Variants in GALT observed in about 807,000 individuals in gnomAD.
The protein encoded by GALT is UDP-glucose--hexose-1-phosphate uridylyltransferase.
GALT carries 42 observed loss-of-function variants against 55.4 expected under a neutral mutation model. The ratio of observed to expected loss-of-function variants is 0.76; its 90% CI spans 0.59 to 0.98. GALT has a LOEUF of 0.98. Among genes scored for constraint, GALT ranks in the 50% least tolerant of loss-of-function variants. The probability of loss-of-function intolerance (pLI) is 0.00; values close to 1 mark genes in which losing one functional copy is unlikely to be tolerated. For missense variants in GALT, 407 were observed against 495.7 expected (o/e 0.82, Z 1.70); for synonymous variants, 154 against 181.5 (o/e 0.85, Z 1.22).
chr9:34,649,005 C>A lies in GALT; in HGVS notation c.828C>A (p.Ala276=), dbSNP rs1192715180. The change falls in exon 9 of 11, where the codon GCC becomes GCA. Residue 276 remains alanine (A), a synonymous_variant. Transcript: ENST00000378842. The stretch of plus-strand genomic sequence containing the variant: ...GTCAGGCTCTGATTCCAGATCTAGC[C>A]TCCATCATGAAGAAGCTCTTGACCA... The part of the protein sequence containing the change: ...ELTPAERDDL[A]SIMKKLLTKY... The A allele has an allele frequency of 1.2e-6, 2 of 1,614,104 alleles. No individual in the cohort carries two copies. Among genetic ancestry groups the A allele is most frequent in the East Asian group, 2.2e-5 (1 of 44,894 alleles).
chr9:34,649,255 C>T, intron 9 of GALT, 155 bp from the exon 10 acceptor site: 1 of 1,224,322 alleles, frequency 8.2e-7, no homozygotes, highest in Non-Finnish European at 1.2e-6. Flanking sequence ...GAAACTACAT[C>T]TCCAATGTGC....
rs766896883 is a variant in GALT, at chr9:34,647,921, C to T, written c.467C>T (p.Ser156Leu). 6.2e-6 allele frequency: 10 copies of T among 1,614,108 alleles called. No individual in the cohort carries two copies. The Admixed American group carries it at 1.5e-4, about 24-fold the overall frequency. The change falls in exon 5 of 11, where the codon TCA becomes TTA. Residue 156 changes from serine (S) to leucine (L), a missense_variant. Transcript: ENST00000378842. The surrounding 1 kb of genome is among the most constrained non-coding windows in gnomAD (Gnocchi z 5.6). Reference protein sequence around the residue: ...EIRAVVDAWASVTEELGAQYP... With the variant: ...EIRAVVDAWALVTEELGAQYP... Reference sequence around the variant, plus strand: ...CGGGCTGTTGTTGATGCATGGGCCTCAGTCACAGAGGAGCTGGGTGCCCAG... The same window carrying T: ...CGGGCTGTTGTTGATGCATGGGCCTTAGTCACAGAGGAGCTGGGTGCCCAG...
Position 34,648,032 on chromosome 9 carries a change from A to C in GALT, c.507+71A>C. 6.2e-7 allele frequency: 1 copy of C among 1,614,100 alleles called. No individual in the cohort carries two copies. The highest frequency in any genetic ancestry group is 8.5e-7 in the Non-Finnish European group (1 of 1,180,010). ...TGAAGCTTTGGTTCTGGGGAGTAAC[A>C]TTTCTGTTTCCACAGGGTGTGGTCA... On this transcript the variant is annotated intron_variant, in intron 5 of 10. Coordinates refer to ENST00000378842, the MANE Select transcript of GALT (RefSeq NM_000155.4). The surrounding 1 kb of genome is among the most constrained non-coding windows in gnomAD (Gnocchi z 4.9).
intron 10 of GALT, chr9:34,650,108 C>T (rs1821216763): frequency 4.3e-6 from 2 of 462,118 alleles, no homozygotes; most frequent in South Asian, 2.4e-5. Context: ...AGGAAGCCCT[C>T]GTCTCTACAA....
Position 34,648,000 on chromosome 9 carries a change from G to A in GALT, c.507+39G>A. On this transcript the variant is annotated intron_variant, in intron 5 of 10. Transcript: ENST00000378842. This position sits in a 1 kb window ranked among gnomAD's most constrained non-coding sequence, Gnocchi z 5.6. ...CCCCTTCCCCTGGATGGGCAGGGAG[G>A]GGGTGATGAAGCTTTGGTTCTGGGG... 3 of 1,614,208 alleles carry A rather than the reference G, an allele frequency of 1.9e-6. No individual in the cohort carries two copies. Among genetic ancestry groups the A allele is most frequent in the South Asian group, 2.2e-5 (2 of 91,078 alleles).
In GALT at chr9:34,647,009, C is replaced by G; in HGVS notation, c.83-80C>G. On this transcript the variant is annotated intron_variant, in intron 1 of 10. Transcript: ENST00000378842. The surrounding 1 kb of genome is among the most constrained non-coding windows in gnomAD (Gnocchi z 5.6). ...ACAGGGCCGAGAGGGCGCTCCCGAG[C>G]TTGGGCCTGCTGGTGGGTGAGACCC... The G allele has an allele frequency of 6.2e-7, 1 of 1,610,088 alleles. No individual in the cohort carries two copies. The highest frequency in any genetic ancestry group is 1.1e-5 in the South Asian group (1 of 90,928).
rs1057113544 is a variant in GALT at position 34,648,389 on chromosome 9, A to G, written c.620A>G (p.Gln207Arg). Residue 207 changes from glutamine to arginine, a missense_variant, in exon 7 of 11, where the codon CAG becomes CGG. Transcript: ENST00000378842. This position sits in a 1 kb window ranked among gnomAD's most constrained non-coding sequence, Gnocchi z 4.9. ...DIAQREERSQ[Q>R]AYKSQHGEPL... ...GCCCAGCGTGAGGAGCGATCTCAGC[A>G]GGCCTATAAGAGTCAGCATGGAGAG... is the stretch of plus-strand genomic sequence containing the variant. 1 of 1,614,100 alleles carries G rather than the reference A, an allele frequency of 6.2e-7. No homozygotes were observed. Among genetic ancestry groups the G allele is most frequent in the Non-Finnish European group, 8.5e-7 (1 of 1,180,052 alleles).
rs768680705 is a variant in GALT at position 34,646,702 on chromosome 9, C to T, written c.-3C>T. 2 of 1,613,744 alleles carry T rather than the reference C, an allele frequency of 1.2e-6. No homozygotes were observed. Among genetic ancestry groups the T allele is most frequent in the Non-Finnish European group, 1.7e-6 (2 of 1,179,972 alleles). Reference sequence around the variant, plus strand: ...ATTTTCCAGCGGATCCCCCGGTGGCCTCATGTCGCGCAGTGGAACCGATCC... The same window carrying T: ...ATTTTCCAGCGGATCCCCCGGTGGCTTCATGTCGCGCAGTGGAACCGATCC... On this transcript the variant is annotated 5_prime_UTR_variant, in exon 1 of 11. Coordinates refer to ENST00000378842, the MANE Select transcript of GALT (RefSeq NM_000155.4).
At chr9:34,649,223 AG>A (rs2132345816) in intron 9 of GALT, 142 bp downstream of exon 9, 1 of 1,171,212 alleles carries the variant, frequency 8.5e-7, no homozygotes, top group Non-Finnish European at 1.3e-6. Flanking sequence ...GCTGGGACTG[AG>A]GGTGGAGCAG....
chr9:34,646,949 A>G (rs1587236794), intron 1 of GALT, 140 bp from the exon 2 acceptor site: 3 of 1,605,364 alleles, frequency 1.9e-6, no homozygotes, highest in South Asian at 1.1e-5. Context: ...TGGCGCTGGG[A>G]AAGTCCAATC....
At chr9:34,650,141 G>C (rs1821217767) in intron 10 of GALT, 1 of 544,124 alleles carries the variant, frequency 1.8e-6, no homozygotes, top group Non-Finnish European at 3.3e-6. Flanking sequence ...AAGTTAGCCA[G>C]GTATGGTGGC....
At chr9:34,649,255 C>A in intron 9 of GALT, 155 bp from the exon 10 acceptor site, 1 of 1,224,320 alleles carries the variant, frequency 8.2e-7, no homozygotes. Context: ...GAAACTACAT[C>A]TCCAATGTGC....
chr9:34,647,365 C>A lies in GALT; in HGVS notation c.252+107C>A. Reference sequence around the variant, plus strand: ...AGTGAACCTCCTTCTGGGTCATATCCCACCAAGCTTTTTGGTCCCCTAGGG... The same window carrying A: ...AGTGAACCTCCTTCTGGGTCATATCACACCAAGCTTTTTGGTCCCCTAGGG... On this transcript the variant is annotated intron_variant, in intron 2 of 10. Transcript: ENST00000378842. The surrounding 1 kb of genome is among the most constrained non-coding windows in gnomAD (Gnocchi z 5.6). 6.3e-7 allele frequency: 1 copy of A among 1,587,324 alleles called. No individual in the cohort carries two copies. The highest frequency in any genetic ancestry group is 8.6e-7 in the Non-Finnish European group (1 of 1,156,682).
Position 34,648,643 on chromosome 9 carries a change from TG to T in GALT, c.688-117del. On this transcript the variant is annotated intron_variant, in intron 7 of 10. Transcript: ENST00000378842. This position sits in a 1 kb window ranked among gnomAD's most constrained non-coding sequence, Gnocchi z 4.9. ...AGACTCGGGTGGTTAGTGGTAGAGG[TG>T]GTGAGAAGACATCAGATCCTGGGCA... 2 of 1,493,488 alleles carry T rather than the reference TG, an allele frequency of 1.3e-6. No homozygotes were observed. The highest frequency in any genetic ancestry group is 1.9e-6 in the Non-Finnish European group (2 of 1,078,792). The allele number at this position is 1,493,488 out of a possible 1,614,324, so 92.5% of individuals were successfully genotyped here.
In GALT at chr9:34,650,388, C is replaced by T. The variant is rs760012040; in HGVS notation, c.1079C>T (p.Ala360Val). 6.2e-7 allele frequency: 1 copy of T among 1,613,864 alleles called. No individual in the cohort carries two copies. Among genetic ancestry groups the T allele is most frequent in the Non-Finnish European group, 8.5e-7 (1 of 1,179,942 alleles). Residue 360 changes from alanine (A) to valine (V), a missense_variant, in exon 11 of 11, where the codon GCA (alanine) becomes GTA (valine). Transcript: ENST00000378842. The stretch of plus-strand genomic sequence containing the variant: ...TTCCAGGCTGCAGAGAGACTAAGGG[C>T]ACTTCCTGAGGTTCATTACCACCTG... ...TPEQAAERLR[A>V]LPEVHYHLGQ...
chr9:34,649,858 G>A, intron 10 of GALT: 1 of 405,228 alleles, frequency 2.5e-6, no homozygotes, highest in Non-Finnish European at 4.6e-6. Flanking sequence ...ATCCCCTGGT[G>A]GCTTCAGCAG....
In GALT at chr9:34,647,638, T is replaced by TGATA. The variant is rs1364144429; in HGVS notation, c.329-18_329-15dup. 2 of 1,613,800 alleles carry TGATA rather than the reference T, an allele frequency of 1.2e-6. No homozygotes were observed. Among genetic ancestry groups the TGATA allele is most frequent in the Non-Finnish European group, 1.7e-6 (2 of 1,179,970 alleles). On this transcript the variant is annotated intron_variant, in intron 3 of 10. Coordinates refer to ENST00000378842, the MANE Select transcript of GALT (RefSeq NM_000155.4). The surrounding 1 kb of genome is among the most constrained non-coding windows in gnomAD (Gnocchi z 5.6). The stretch of plus-strand genomic sequence containing the variant: ...CTTGAGGGACTTCTGCTGCAGAGAG[T>TGATA]GATACTCCTTTACCTCAGGACCCAG...
At chr9:34,650,182 C>A in intron 10 of GALT, 187 bp from the exon 11 acceptor site, 1 of 598,984 alleles carries the variant, frequency 1.7e-6, no homozygotes, top group Non-Finnish European at 3.0e-6. Flanking sequence ...ACTTGGGAGG[C>A]TGAGATAGGA....
In GALT at chr9:34,647,511, G is replaced by C; in HGVS notation, c.272G>C (p.Ser91Thr). ...CGGTAGGTGAATCCCCAGTACGATA[G>C]CACCTTCCTGTTTGACAACGACTTC... ...ANGEVNPQYD[S>T]TFLFDNDFPA... Residue 91 changes from serine to threonine, a missense_variant, in exon 3 of 11, where the codon AGC (serine) becomes ACC (threonine). Ser to Thr is a moderately conservative substitution (Grantham distance 58). Transcript: ENST00000378842. The surrounding 1 kb of genome is among the most constrained non-coding windows in gnomAD (Gnocchi z 5.6). 1.2e-6 allele frequency: 2 copies of C among 1,614,134 alleles called. No individual in the cohort carries two copies. Among genetic ancestry groups the C allele is most frequent in the Non-Finnish European group, 1.7e-6 (2 of 1,180,022 alleles).
Sources: gnomAD v4.1 joint callset for allele counts on GRCh38, gnomAD v4.1.1 for gene constraint, Gnocchi (gnomAD v3.1) non-coding constraint, MANE v1.5 for transcripts, NCBI Gene and HGNC (gene_info 2026-07-23, HGNC 2026-07-21) for gene names.